LRRC7: variants seen among roughly 807,000 people sequenced by gnomAD.
The protein encoded by LRRC7 is leucine-rich repeat-containing protein 7.
LRRC7 carries 23 observed loss-of-function variants against 175.7 expected under a neutral mutation model. The ratio of observed to expected loss-of-function variants is 0.13; its 90% CI spans 0.09 to 0.19. The LOEUF (loss-of-function observed/expected upper bound fraction) is 0.19. Ranked by LOEUF, LRRC7 falls within the 10% of genes least tolerant of loss-of-function variation. The pLI is 1.00. For missense variants in LRRC7, 1,354 were observed against 1,904.7 expected, an observed-to-expected ratio of 0.71 and a Z score of 5.38; for synonymous variants, 685 against 680.9, an observed-to-expected ratio of 1.01 and a Z score of -0.09.
chr1:69,613,123 T>G (rs1773334), intron 1 of LRRC7, among the ~76,000 whole-genome samples: 150,828 of 152,174 alleles, frequency 0.99, 74,757 homozygotes, highest in Middle Eastern at 1. Context: ...GCATAGACTA[T>G]ATGGCGTAGA....
intron 8 of LRRC7, among the ~76,000 whole-genome samples, chr1:69,948,236 G>A (rs1649550002): frequency 6.6e-6 from 1 of 152,176 alleles, no homozygotes; most frequent in Non-Finnish European, 1.5e-5. Context: ...TGAAACTGTG[G>A]ATAAGCAGGA....
intron 8 of LRRC7, among the ~76,000 whole-genome samples, chr1:69,972,953 CTA>C (rs1202620730): frequency 2.1e-5 from 3 of 143,054 alleles, no homozygotes; most frequent in African/African-American, 7.7e-5. Flanking sequence ...TATATAAATA[CTA>C]TATATATAAT....
chr1:70,022,968 A>T (rs974309709), intron 16 of LRRC7, among the ~76,000 whole-genome samples, 158 bp from the exon 17 acceptor site: 1 of 152,198 alleles, frequency 6.6e-6, no homozygotes, highest in African/African-American at 2.4e-5. Context: ...ATATAAAATT[A>T]GTACTGTTTT....
At position 69,936,678 on chromosome 1, in the gene LRRC7, G is replaced by A. The variant is rs149107312; in HGVS notation, c.711+5108G>A. 3.3e-3 allele frequency among the ~76,000 whole-genome samples: 501 copies of A among 152,160 alleles called. 1 individual carries two copies. Among genetic ancestry groups the A allele is most frequent in the African/African-American group, 0.011 (449 of 41,512 alleles). ...TGATTTCATCACCCAGGTAGTGAGCGTAGTACCTGACAGGTAGTTTTTCAA... is the reference window on the plus strand; with the variant it reads ...TGATTTCATCACCCAGGTAGTGAGCATAGTACCTGACAGGTAGTTTTTCAA... On this transcript the variant is annotated intron_variant, in intron 8 of 26. Transcript: ENST00000651989.
chr1:69,830,763 T>C (rs1680441297), intron 5 of LRRC7, among the ~76,000 whole-genome samples: 1 of 151,968 alleles, frequency 6.6e-6, no homozygotes. Context: ...AGACATACTA[T>C]GTAATCGTAT....
chr1:69,761,967 T>A (rs557674737), intron 3 of LRRC7, among the ~76,000 whole-genome samples: 2 of 152,100 alleles, frequency 1.3e-5, no homozygotes, highest in Admixed American at 1.3e-4. Flanking sequence ...GTCAGGCCAA[T>A]CTAGGATTGC....
At chr1:70,080,449 C>T (rs552335484) in intron 24 of LRRC7, among the ~76,000 whole-genome samples, 2 of 152,106 alleles carry the variant, frequency 1.3e-5, no homozygotes, top group Non-Finnish European at 2.9e-5. Context: ...AGTGATAAAA[C>T]CATCTAAACT....
At chr1:70,000,791 A>G (rs1570968997) in intron 11 of LRRC7, among the ~76,000 whole-genome samples, 2 of 152,318 alleles carry the variant, frequency 1.3e-5, no homozygotes, top group East Asian at 1.9e-4. Context: ...GTTCTGATCC[A>G]GTAGGTCTGG....
chr1:70,097,764 A>G (rs975109253), intron 25 of LRRC7, among the ~76,000 whole-genome samples: 3 of 151,534 alleles, frequency 2.0e-5, no homozygotes, highest in African/African-American at 7.3e-5. Context: ...TTCCAATTTC[A>G]TCCATGTCCC....
At chr1:69,906,583 G>T (rs374098151) in intron 7 of LRRC7, among the ~76,000 whole-genome samples, 2 of 152,166 alleles carry the variant, frequency 1.3e-5, no homozygotes, top group East Asian at 1.9e-4. Context: ...TATGTGGCAT[G>T]ATTTCTGAGG....
rs60142527 is a variant in LRRC7 at position 70,029,551 on chromosome 1, A to G, written c.1995+1180A>G. ...TTTTGCTTATAAAATCAGTATCATT[A>G]TACTTTTTCCTTTCCAAAATATTAT... On this transcript the variant is annotated intron_variant, in intron 18 of 26. Coordinates refer to ENST00000651989, the MANE Select transcript of LRRC7 (RefSeq NM_001370785.2). 6.4e-4 allele frequency among the ~76,000 whole-genome samples: 98 copies of G among 152,290 alleles called. 1 individual carries two copies. The highest frequency in any genetic ancestry group is 2.2e-3 in the African/African-American group (91 of 41,572).
intron 1 of LRRC7, among the ~76,000 whole-genome samples, chr1:69,637,709 C>A (rs1653611245): frequency 6.6e-6 from 1 of 151,810 alleles, no homozygotes; most frequent in Non-Finnish European, 1.5e-5. Flanking sequence ...AATAGCTTTA[C>A]CTTATGTAAT....
rs370839704 is a variant in LRRC7, at chr1:69,923,830, T to G, written c.648-7677T>G. ...AATTATATCCCATTTGTCAATTTTG[T>G]CTTTTGTTGCCATTGCTTTTGGTGT... is the stretch of plus-strand genomic sequence containing the variant. On this transcript the variant is annotated intron_variant, in intron 7 of 26. Coordinates refer to ENST00000651989, the MANE Select transcript of LRRC7 (RefSeq NM_001370785.2). Among the ~76,000 whole-genome samples, 809 of 151,240 alleles carry G rather than the reference T, an allele frequency of 5.3e-3. 5 individuals are homozygous for G. The highest frequency in any genetic ancestry group is 0.017 in the African/African-American group (693 of 40,754).
At chr1:70,083,728 C>A (rs944619801) in intron 24 of LRRC7, among the ~76,000 whole-genome samples, 1 of 152,136 alleles carries the variant, frequency 6.6e-6, no homozygotes, top group Non-Finnish European at 1.5e-5. Flanking sequence ...AACCTACTTC[C>A]CCATTTCAGT....
intron 7 of LRRC7, among the ~76,000 whole-genome samples, chr1:69,856,885 TC>T (rs1683708659): frequency 6.6e-6 from 1 of 152,054 alleles, no homozygotes; most frequent in Admixed American, 6.6e-5. Flanking sequence ...GCAAACCGAA[TC>T]CAACAGCACA....
intron 2 of LRRC7, among the ~76,000 whole-genome samples, chr1:69,684,909 G>A (rs1660943531): frequency 6.6e-6 from 1 of 152,160 alleles, no homozygotes; most frequent in South Asian, 2.1e-4. Flanking sequence ...GGCCATCCCT[G>A]CTCTGCTCTC....
chr1:70,013,498 A>C (rs1656703573), intron 13 of LRRC7, among the ~76,000 whole-genome samples: 1 of 151,998 alleles, frequency 6.6e-6, no homozygotes, highest in African/African-American at 2.4e-5. Flanking sequence ...CCAACAAATT[A>C]ACTGGGCAAT....
chr1:70,046,376 T>C (rs1458021455), intron 22 of LRRC7, among the ~76,000 whole-genome samples: 1 of 152,100 alleles, frequency 6.6e-6, no homozygotes, highest in Non-Finnish European at 1.5e-5. Context: ...GGACTTTCAA[T>C]AGTCCTCAGT....
chr1:69,679,811 C>T (rs748707035), intron 2 of LRRC7, among the ~76,000 whole-genome samples: 7 of 152,042 alleles, frequency 4.6e-5, no homozygotes, highest in Non-Finnish European at 1.0e-4. Context: ...TACCATTTAA[C>T]ATAAAGTGAT....
Sources: gnomAD v4.1 joint callset for allele counts (sites outside exome capture counted in the v4.1 genomes callset) on GRCh38, gnomAD v4.1.1 for gene constraint, MANE v1.5 for transcripts, NCBI Gene and HGNC (gene_info 2026-07-23, HGNC 2026-07-21) for gene names.